The following GALNS variants were observed in gnomAD, a reference collection of about 807,000 sequenced individuals.
GALNS encodes N-acetylgalactosamine-6-sulfatase.
A neutral mutation model predicts 65.9 loss-of-function variants in GALNS; 65 were observed. The observed-to-expected ratio is 0.99, with a 90% CI of 0.81 to 1.21. GALNS has a LOEUF of 1.21. GALNS is among the 50% of genes most tolerant of loss of function. The pLI is 0.00. For missense variants in GALNS, 776 were observed against 700.7 expected, an observed-to-expected ratio of 1.11 and a Z score of -1.21; for synonymous variants, 346 against 288.9, an observed-to-expected ratio of 1.20 and a Z score of -2.00.
At chr16:88,818,683 T>C (rs1479693887) in intron 12 of GALNS, among the ~76,000 whole-genome samples, 1 of 152,230 alleles carries the variant, frequency 6.6e-6, no homozygotes, top group Non-Finnish European at 1.5e-5. Context: ...AGGGCCGCAG[T>C]TTGCGATGCT....
chr16:88,839,286 C>T lies in GALNS; in HGVS notation c.423-1521G>A, dbSNP rs977375428. Among the ~76,000 whole-genome samples the T allele has an allele frequency of 3.4e-5, 5 of 149,090 alleles. No homozygotes were observed. The East Asian group carries it at 7.9e-4, about 24-fold the overall frequency. The stretch of plus-strand genomic sequence containing the variant: ...CGCCCGGCCACAGGGGACACTCGTG[C>T]GCCAACGTCCGCAGGTCACCGCCCG... On this transcript the variant is annotated intron_variant, in intron 4 of 13. Coordinates refer to ENST00000268695, the MANE Select transcript of GALNS (RefSeq NM_000512.5).
At position 88,814,361 on chromosome 16, in the gene GALNS, G is replaced by A. The variant is rs922260236; in HGVS notation, c.*78C>T. On this transcript the variant is annotated 3_prime_UTR_variant, in exon 14 of 14. Transcript: ENST00000268695. ...GCTTGGGCAGGGTTGGGGGAGGACCGAGGCCAGAGCCATCCTTCCTCCAGG... is the reference window on the plus strand; with the variant it reads ...GCTTGGGCAGGGTTGGGGGAGGACCAAGGCCAGAGCCATCCTTCCTCCAGG... 5 of 1,538,826 alleles carry A rather than the reference G, an allele frequency of 3.2e-6. No homozygotes were observed. The highest frequency in any genetic ancestry group is 1.4e-5 in the African/African-American group (1 of 72,894).
intron 2 of GALNS, 92 bp downstream of exon 2, chr16:88,842,614 T>G: frequency 6.7e-7 from 1 of 1,500,520 alleles, no homozygotes; most frequent in Non-Finnish European, 9.1e-7. Flanking sequence ...ACAAGGTTGA[T>G]GCAGCCGCCC....
At chr16:88,838,284 C>A (rs527975574) in intron 4 of GALNS, among the ~76,000 whole-genome samples, 36 of 152,322 alleles carry the variant, frequency 2.4e-4, no homozygotes, top group African/African-American at 8.2e-4. Context: ...AGGATGACGA[C>A]TGGGCGGGGC....
intron 9 of GALNS, 151 bp from the exon 10 acceptor site, chr16:88,826,989 G>C (rs1911000248): frequency 2.1e-6 from 2 of 944,432 alleles, no homozygotes; most frequent in Non-Finnish European, 3.3e-6. Context: ...ACTGAGCGGG[G>C]TCACAAGGCC....
At chr16:88,828,663 G>A (rs1395763103) in intron 9 of GALNS, among the ~76,000 whole-genome samples, 1 of 152,250 alleles carries the variant, frequency 6.6e-6, no homozygotes, top group Non-Finnish European at 1.5e-5. Flanking sequence ...CTTCTTCAGG[G>A]AGCGAGGCAG....
intron 13 of GALNS, chr16:88,816,061 TCTG>T: frequency 1.0e-6 from 1 of 985,374 alleles, no homozygotes; most frequent in Middle Eastern, 5.2e-4. Flanking sequence ...CCCCCATGGC[TCTG>T]CTCACGGTGG....
At chr16:88,824,746 C>G (rs1431649058) in intron 11 of GALNS, 21 bp downstream of exon 11, 3 of 1,604,716 alleles carry the variant, frequency 1.9e-6, no homozygotes, top group African/African-American at 2.7e-5. Context: ...TCCGCCTGCG[C>G]CCACGTCCCG....
In GALNS at chr16:88,855,582, C is replaced by T. The variant is rs978077531; in HGVS notation, c.120+1176G>A. On this transcript the variant is annotated intron_variant, in intron 1 of 13. Transcript: ENST00000268695. ...AGCTGCCCAGGACTGTCGGCTGTCA[C>T]CCCTGGGTGGGGAAATTATGGGTGG... The T allele has an allele frequency of 7.5e-6, 5 of 663,542 alleles. No individual in the cohort carries two copies. The Admixed American group carries it at 1.2e-4, about 16-fold the overall frequency. The allele number at this position is 663,542 out of a possible 1,614,324, so 41.1% of individuals were successfully genotyped here.
intron 1 of GALNS, chr16:88,844,149 T>C (rs1967124255): frequency 6.6e-6 from 1 of 150,500 alleles, no homozygotes; most frequent in South Asian, 2.1e-4. Context: ...TTCTGTGTAT[T>C]TTACAATAAA....
intron 1 of GALNS, among the ~76,000 whole-genome samples, chr16:88,850,724 G>A (rs375306340): frequency 2.6e-5 from 4 of 152,362 alleles, no homozygotes; most frequent in East Asian, 1.9e-4. Context: ...CACACGGGAC[G>A]CTCGGGCTGC....
At chr16:88,849,135 G>A (rs1490024872) in intron 1 of GALNS, among the ~76,000 whole-genome samples, 1 of 152,096 alleles carries the variant, frequency 6.6e-6, no homozygotes, top group African/African-American at 2.4e-5. Context: ...ATTTTTTTGA[G>A]ACAGGGTCTC....
At chr16:88,825,894 C>T (rs1013815447) in intron 10 of GALNS, among the ~76,000 whole-genome samples, 2 of 152,174 alleles carry the variant, frequency 1.3e-5, no homozygotes, top group Non-Finnish European at 2.9e-5. Flanking sequence ...TGCCTTGGGC[C>T]GTCCCCACCT....
chr16:88,849,305 G>A (rs1451587265), intron 1 of GALNS, among the ~76,000 whole-genome samples: 1 of 151,738 alleles, frequency 6.6e-6, no homozygotes, highest in African/African-American at 2.4e-5. Context: ...TATTTTTTGA[G>A]ATGGAGTCTC....
intron 6 of GALNS, 28 bp from the exon 7 acceptor site, chr16:88,835,877 C>T (rs753803026): frequency 1.9e-6 from 3 of 1,613,548 alleles, no homozygotes; most frequent in Non-Finnish European, 2.5e-6. Context: ...CCGTCGTCCT[C>T]CAGCCTCAGG....
In GALNS at chr16:88,830,246, A is replaced by C. The variant is rs982421675; in HGVS notation, c.1002+1752T>G. On this transcript the variant is annotated intron_variant, in intron 9 of 13. Transcript: ENST00000268695. Reference sequence around the variant, plus strand: ...ACTTCATCTCAAAAAAAAAAAAAAAAAAAAAAAAAACGTGGAACAGGAAGG... The same window carrying C: ...ACTTCATCTCAAAAAAAAAAAAAAACAAAAAAAAAACGTGGAACAGGAAGG... Among the ~76,000 whole-genome samples, 6 of 150,504 alleles carry C rather than the reference A, an allele frequency of 4.0e-5. 1 individual carries two copies. In the Middle Eastern group the frequency reaches 9.5e-3, roughly 238 times the overall value.
chr16:88,837,837 T>A lies in GALNS; in HGVS notation c.423-72A>T, dbSNP rs758406168. The stretch of plus-strand genomic sequence containing the variant: ...CTCGGAAGTTCTGAGCAGCAACAGA[T>A]ACCACCTTCACAAAATTCTTGGTAA... On this transcript the variant is annotated intron_variant, in intron 4 of 13. Transcript: ENST00000268695. 8.8e-4 allele frequency: 1,341 copies of A among 1,517,802 alleles called. 3 individuals carry two copies. The highest frequency in any genetic ancestry group is 1.1e-3 in the Non-Finnish European group (1,247 of 1,094,672). 94.0% of individuals were successfully genotyped at this position (1,517,802 alleles called of 1,614,324 possible).
chr16:88,837,589 G>A lies in GALNS; in HGVS notation c.566+33C>T, dbSNP rs1216607019. The A allele has an allele frequency of 5.0e-6, 8 of 1,609,716 alleles. 1 individual carries two copies. The highest frequency in any genetic ancestry group is 3.3e-5 in the Admixed American group (2 of 60,002). Reference sequence around the variant, plus strand: ...AGGCACGCCGGGCACAGCAGTTCAGGACGTGGGAGGGGAAGGGGTGGGGCT... The same window carrying A: ...AGGCACGCCGGGCACAGCAGTTCAGAACGTGGGAGGGGAAGGGGTGGGGCT... On this transcript the variant is annotated intron_variant, in intron 5 of 13. Transcript: ENST00000268695.
intron 1 of GALNS, among the ~76,000 whole-genome samples, chr16:88,851,880 C>T (rs987893534): frequency 1.8e-4 from 28 of 152,350 alleles, no homozygotes; most frequent in Admixed American, 1.2e-3. Context: ...CAGAGCCCAC[C>T]GCAGCTCTGC....
Sources: allele counts gnomAD v4.1 joint callset (sites outside exome capture counted in the v4.1 genomes callset), GRCh38; gene constraint gnomAD v4.1.1; transcripts MANE v1.5; gene names NCBI Gene and HGNC (gene_info 2026-07-23, HGNC 2026-07-21).